MYO5C: variants seen among roughly 807,000 people sequenced by gnomAD.
The protein encoded by MYO5C is myosin VC.
MYO5C carries 194 observed loss-of-function variants against 235.7 expected under a neutral mutation model. That is an observed-to-expected ratio of 0.82 (90% CI 0.73 to 0.93). MYO5C has a LOEUF of 0.93. MYO5C is among the 40% of genes least tolerant of loss of function. The probability of loss-of-function intolerance (pLI) is 0.00; values close to 1 mark genes in which losing one functional copy is unlikely to be tolerated. For synonymous variants in MYO5C, 707 were observed against 754.8 expected, an observed-to-expected ratio of 0.94 and a Z score of 1.04; for missense variants, 2,038 against 2,127.2, an observed-to-expected ratio of 0.96 and a Z score of 0.82.
chr15:52,256,786 AT>A, intron 10 of MYO5C, 66 bp from the exon 11 acceptor site: 2 of 1,238,434 alleles, frequency 1.6e-6, no homozygotes, highest in Non-Finnish European at 2.4e-6. Context: ...GTTTATAGAT[AT>A]TTTTTGACAC....
chr15:52,253,649 C>T (rs1256882603), intron 11 of MYO5C, among the ~76,000 whole-genome samples, 192 bp from the exon 12 acceptor site: 1 of 152,258 alleles, frequency 6.6e-6, no homozygotes, highest in Non-Finnish European at 1.5e-5. Context: ...GTCTAGCTGT[C>T]ATCCTCCCAC....
intron 11 of MYO5C, among the ~76,000 whole-genome samples, chr15:52,256,046 G>A (rs1596198480): frequency 1.3e-5 from 2 of 152,188 alleles, no homozygotes; most frequent in Admixed American, 6.5e-5. Context: ...TGCATGTGCC[G>A]AGATAAGCAC....
In MYO5C at chr15:52,252,580, C is replaced by T. The variant is rs140586169; in HGVS notation, c.1536+737G>A. On this transcript the variant is annotated intron_variant, in intron 12 of 40. Transcript: ENST00000261839. ...CACGAGGTCAGGAGATCCAGACCAT[C>T]CTGGCTAACATGGTGAAACCCCGTC... Among the ~76,000 whole-genome samples, 546 of 152,110 alleles carry T rather than the reference C, an allele frequency of 3.6e-3. 4 individuals are homozygous for T. The highest frequency in any genetic ancestry group is 0.013 in the African/African-American group (535 of 41,532).
chr15:52,282,662 GT>G (rs2037183223), intron 2 of MYO5C, 119 bp downstream of exon 2: 7 of 692,808 alleles, frequency 1.0e-5, no homozygotes, highest in Non-Finnish European at 1.8e-5. Context: ...AATGGTGCTG[GT>G]GCCCACTCGT....
rs1566974879 is a variant in MYO5C, at chr15:52,239,806, C to G, written c.2630G>C (p.Ser877Thr). ...AATATTAAGCACGAATCGTCGGATA[C>G]TCTGGAATCTGCGTCTGGCCAGCCA... is the stretch of plus-strand genomic sequence containing the variant. ...RAWLARRRFQ[S>T]IRRFVLNIQL... Residue 877 changes from serine to threonine, a missense_variant, in exon 21 of 41, where the codon AGT becomes ACT. Ser to Thr is a moderately conservative substitution (Grantham distance 58). Coordinates refer to ENST00000261839, the MANE Select transcript of MYO5C (RefSeq NM_018728.4). 6.2e-7 allele frequency: 1 copy of G among 1,613,782 alleles called. No individual in the cohort carries two copies. The highest frequency in any genetic ancestry group is 2.2e-5 in the East Asian group (1 of 44,868).
chr15:52,261,212 A>G, intron 9 of MYO5C, 85 bp from the exon 10 acceptor site: 12 of 1,500,642 alleles, frequency 8.0e-6, no homozygotes, highest in Non-Finnish European at 1.1e-5. Flanking sequence ...CCGTGCCCAC[A>G]CTCAGGCCTG....
rs751271214 is a variant in MYO5C at position 52,247,568 on chromosome 15, GA to G, written c.1770del (p.Gln591LysfsTer13). Reference protein sequence around the residue: ...ASKFHLCANFFQENPTPPSPF... With the variant: ...ASKFHLCANFXQENPTPPSPF... ...GGAGAAGGAGGAGTTGGATTTTCTT[GA>G]AAAAAGTTGGCACAGAGATGAAACT... On this transcript the variant is annotated frameshift_variant, in exon 15 of 41. Coordinates refer to ENST00000261839, the MANE Select transcript of MYO5C (RefSeq NM_018728.4). LOFTEE classifies it high-confidence loss of function. The G allele has an allele frequency of 6.2e-7, 1 of 1,613,930 alleles. No homozygotes were observed. The highest frequency in any genetic ancestry group is 2.2e-5 in the East Asian group (1 of 44,882).
intron 1 of MYO5C, among the ~76,000 whole-genome samples, chr15:52,289,312 TCCCA>T (rs2037341663): frequency 6.7e-6 from 1 of 149,960 alleles, no homozygotes; most frequent in African/African-American, 2.5e-5. Context: ...ATCTGAGACC[TCCCA>T]CCCAGATCGT....
At position 52,281,336 on chromosome 15, in the gene MYO5C, C is replaced by T. The variant is rs78215960; in HGVS notation, c.138+1446G>A. 8.6e-3 allele frequency among the ~76,000 whole-genome samples: 1,316 copies of T among 152,326 alleles called. 6 individuals carry two copies. The highest frequency in any genetic ancestry group is 0.013 in the Non-Finnish European group (904 of 68,022). ...TGAGCTAAAGAGAGGTCTGGCTGCC[C>T]GCCATCCTACTCACCTCTGCAGCCG... On this transcript the variant is annotated intron_variant, in intron 2 of 40. Coordinates refer to ENST00000261839, the MANE Select transcript of MYO5C (RefSeq NM_018728.4).
At chr15:52,292,221 C>T (rs35982476) in intron 1 of MYO5C, among the ~76,000 whole-genome samples, 83,443 of 152,034 alleles carry the variant, frequency 0.55, 27,595 homozygotes, top group Non-Finnish European at 0.73. Flanking sequence ...GGGATTGGTT[C>T]CAATTTAGTT....
rs1192361967 is a variant in MYO5C, at chr15:52,233,278, C to CA, written c.2963-594dup. On this transcript the variant is annotated intron_variant, in intron 23 of 40. Transcript: ENST00000261839. ...TGGGCGACAGAGCGAGACTCCGTCTCAAAAAAAAAAAAAAAAAAATTAAAA... is the reference window on the plus strand; with the variant it reads ...TGGGCGACAGAGCGAGACTCCGTCTCAAAAAAAAAAAAAAAAAAAATTAAAA... Among the ~76,000 whole-genome samples, 18 of 4,166 alleles carry CA rather than the reference C, an allele frequency of 4.3e-3. 4 individuals carry two copies. The highest frequency in any genetic ancestry group is 0.022 in the Admixed American group (5 of 232). The allele number at this position is 4,166 out of a possible 152,430, so 2.7% of individuals were successfully genotyped here.
intron 14 of MYO5C, 30 bp from the exon 15 acceptor site, chr15:52,247,622 C>A: frequency 6.2e-7 from 1 of 1,610,988 alleles, no homozygotes; most frequent in South Asian, 1.1e-5. Flanking sequence ...TCTCAATGTC[C>A]AAAAGCAACT....
At position 52,245,335 on chromosome 15, in the gene MYO5C, A is replaced by T. The variant is rs1327302294; in HGVS notation, c.2178+19T>A. On this transcript the variant is annotated intron_variant, in intron 18 of 40. Coordinates refer to ENST00000261839, the MANE Select transcript of MYO5C (RefSeq NM_018728.4). Reference sequence around the variant, plus strand: ...CTTCCAGGAAGGAGACCATGATCCCAGGAGGTGGGGAAACTGACCTGGATG... The same window carrying T: ...CTTCCAGGAAGGAGACCATGATCCCTGGAGGTGGGGAAACTGACCTGGATG... 2.6e-6 allele frequency: 4 copies of T among 1,513,824 alleles called. No individual in the cohort carries two copies. The highest frequency in any genetic ancestry group is 3.7e-6 in the Non-Finnish European group (4 of 1,088,730). 93.8% of individuals were successfully genotyped at this position (1,513,824 alleles called of 1,614,324 possible). A position where few individuals can be genotyped will look rare whatever the true frequency, so the allele number is the denominator to read the frequency against.
In MYO5C at chr15:52,272,521, T is replaced by G. The variant is rs548695036; in HGVS notation, c.750+59A>C. The G allele has an allele frequency of 2.2e-5, 34 of 1,543,632 alleles. No individual in the cohort carries two copies. The East Asian group carries it at 7.4e-4, about 34-fold the overall frequency. On this transcript the variant is annotated intron_variant, in intron 6 of 40. Transcript: ENST00000261839. ...GTGTAGCTTGCCTGAGTATGTATAA[T>G]AAGTATGTAAATGTAAATAATGCTC... is the stretch of plus-strand genomic sequence containing the variant.
intron 2 of MYO5C, 35 bp from the exon 3 acceptor site, chr15:52,279,709 T>C (rs1357045190): frequency 1.9e-6 from 3 of 1,583,116 alleles, no homozygotes; most frequent in African/African-American, 2.7e-5. Context: ...GCTCTGGAAA[T>C]AAAAGATTTT....
At chr15:52,202,271 G>C (rs1020777887) in intron 38 of MYO5C, among the ~76,000 whole-genome samples, 2 of 152,158 alleles carry the variant, frequency 1.3e-5, no homozygotes, top group Non-Finnish European at 2.9e-5. Context: ...CAGCTACTCA[G>C]GAGGCTGCGG....
At chr15:52,225,949 C>A (rs1185610009) in intron 25 of MYO5C, among the ~76,000 whole-genome samples, 1 of 151,970 alleles carries the variant, frequency 6.6e-6, no homozygotes, top group African/African-American at 2.4e-5. Flanking sequence ...ACTTGGGAGG[C>A]TGAGGCAGGA....
rs755435374 is a variant in MYO5C, at chr15:52,245,988, C to T, written c.2034G>A (p.Thr678=). ...GGTAGCTCTGTGCACTAATGCGAAT[C>T]GTTTCTAAAACGCCGCAGGCTCGCA... is the stretch of plus-strand genomic sequence containing the variant. ...QQLRACGVLE[T]IRISAQSYPS... is the part of the protein sequence containing the mutation. Residue 678 remains threonine (T), a synonymous_variant, in exon 17 of 41, where the codon ACG becomes ACA. Coordinates refer to ENST00000261839, the MANE Select transcript of MYO5C (RefSeq NM_018728.4). 9 of 1,614,160 alleles carry T rather than the reference C, an allele frequency of 5.6e-6. No homozygotes were observed. The highest frequency in any genetic ancestry group is 2.2e-5 in the South Asian group (2 of 91,068).
chr15:52,268,059 T>C (rs1346478191), intron 8 of MYO5C, among the ~76,000 whole-genome samples: 2 of 152,186 alleles, frequency 1.3e-5, no homozygotes, highest in East Asian at 3.8e-4. Flanking sequence ...TCGAAGCAGG[T>C]TTGAGGGAAC....
Sources: allele counts gnomAD v4.1 joint callset (sites outside exome capture counted in the v4.1 genomes callset), GRCh38; gene constraint gnomAD v4.1.1; transcripts MANE v1.5; gene names NCBI Gene and HGNC (gene_info 2026-07-23, HGNC 2026-07-21).